The following ZNF605 variants were observed in gnomAD, a reference collection of about 807,000 sequenced individuals.
The protein encoded by ZNF605 is zinc finger protein 605.
Under a neutral mutation model 7.9 loss-of-function variants are expected in ZNF605, and 9 were observed. The ratio of observed to expected loss-of-function variants is 1.14; its 90% CI spans 0.68 to 1.98. The LOEUF is 1.98. Ranked by LOEUF, ZNF605 falls within the 30% of genes most tolerant of loss-of-function variation. The pLI, the probability that ZNF605 is intolerant of heterozygous loss-of-function variation, is 0.00. For synonymous variants in ZNF605, 255 were observed against 260.1 expected, an observed-to-expected ratio of 0.98 and a Z score of 0.19; for missense variants, 673 against 762.4, an observed-to-expected ratio of 0.88 and a Z score of 1.38.
At chr12:132,953,261 T>C (rs2137169404) in intron 1 of ZNF605, among the ~76,000 whole-genome samples, 1 of 152,078 alleles carries the variant, frequency 6.6e-6, no homozygotes, top group Non-Finnish European at 1.5e-5. Flanking sequence ...AGGCCGCCCC[T>C]CCAGGGCCTT....
At chr12:132,950,879 A>G (rs1952553730) in intron 1 of ZNF605, among the ~76,000 whole-genome samples, 1 of 151,362 alleles carries the variant, frequency 6.6e-6, no homozygotes, top group Non-Finnish European at 1.5e-5. Context: ...ATACAAATAC[A>G]TCACACATAC....
chr12:132,936,519 G>T (rs952811591), intron 3 of ZNF605, among the ~76,000 whole-genome samples: 1 of 152,180 alleles, frequency 6.6e-6, no homozygotes, highest in Non-Finnish European at 1.5e-5. Context: ...AGGCAGGATG[G>T]CATTTGTGAA....
Position 132,926,519 on chromosome 12 carries a change from T to A in ZNF605, c.780A>T (p.Lys260Asn). The A allele has an allele frequency of 6.2e-7, 1 of 1,614,212 alleles. No homozygotes were observed. The highest frequency in any genetic ancestry group is 1.1e-5 in the South Asian group (1 of 91,084). The change falls in exon 5 of 5, where the codon AAA becomes AAT. Residue 260 changes from lysine to asparagine, a missense_variant. Lys to Asn is a moderately conservative substitution (Grantham distance 94). Coordinates refer to ENST00000360187, the MANE Select transcript of ZNF605 (RefSeq NM_183238.4). The part of the protein sequence containing the change: ...EKPYGCSECG[K>N]AFSRKSQLKR... Reference sequence around the variant, plus strand: ...TAAGCTGCGACTTCCTACTGAAGGCTTTTCCACATTCACTGCATCCATACG... The same window carrying A: ...TAAGCTGCGACTTCCTACTGAAGGCATTTCCACATTCACTGCATCCATACG...
chr12:132,931,076 G>A (rs1460376069), intron 4 of ZNF605, among the ~76,000 whole-genome samples: 1 of 152,138 alleles, frequency 6.6e-6, no homozygotes, highest in African/African-American at 2.4e-5. Context: ...CTACTGGGGA[G>A]GCTAAAGTGG....
chr12:132,920,146 ATT>A lies in ZNF605; in HGVS notation c.*5225_*5226del, dbSNP rs747437681. ...AGCCACCGCGCCCAGCGCCTGATTT[ATT>A]TATTTTTTTGAGACAGAGCCTCGCT... On this transcript the variant is annotated 3_prime_UTR_variant, in exon 5 of 5. Coordinates refer to ENST00000360187, the MANE Select transcript of ZNF605 (RefSeq NM_183238.4). 9.0e-6 allele frequency: 1 copy of A among 111,414 alleles called. No homozygotes were observed. The highest frequency in any genetic ancestry group is 3.5e-5 in the African/African-American group (1 of 28,490). 6.9% of individuals were successfully genotyped at this position (111,414 alleles called of 1,614,324 possible).
At chr12:132,940,677 GC>G (rs1952427019) in intron 3 of ZNF605, among the ~76,000 whole-genome samples, 1 of 152,182 alleles carries the variant, frequency 6.6e-6, no homozygotes, top group Non-Finnish European at 1.5e-5. Flanking sequence ...ATTGGATCAG[GC>G]CGCCGGCCAG....
At chr12:132,952,217 G>C (rs2137167784) in intron 1 of ZNF605, among the ~76,000 whole-genome samples, 1 of 152,084 alleles carries the variant, frequency 6.6e-6, no homozygotes, top group Non-Finnish European at 1.5e-5. Context: ...AGCACTTTGG[G>C]AGGCTGAGGC....
At position 132,925,683 on chromosome 12, in the gene ZNF605, C is replaced by T; in HGVS notation, c.1616G>A (p.Gly539Glu). 3 of 1,614,168 alleles carry T rather than the reference C, an allele frequency of 1.9e-6. No individual in the cohort carries two copies. Among genetic ancestry groups the T allele is most frequent in the Non-Finnish European group, 2.5e-6 (3 of 1,180,024 alleles). Residue 539 changes from glycine (G) to glutamate (E), a missense_variant, in exon 5 of 5, where the codon GGG becomes GAG. Physicochemically the swap from Gly to Glu is moderately conservative, Grantham distance 98. Coordinates refer to ENST00000360187, the MANE Select transcript of ZNF605 (RefSeq NM_183238.4). ...CTGCACTTTCTGAACAAATGCTTTC[C>T]CACATTCACTGCATTCATAGGGTTT... ...GEKPYECSEC[G>E]KAFVQKVQLI...
At chr12:132,928,204 G>T (rs1364327110) in intron 4 of ZNF605, among the ~76,000 whole-genome samples, 1 of 151,980 alleles carries the variant, frequency 6.6e-6, no homozygotes, top group Non-Finnish European at 1.5e-5. Flanking sequence ...ATTGTTGAAT[G>T]GTATAATAGA....
intron 1 of ZNF605, among the ~76,000 whole-genome samples, chr12:132,953,729 C>T (rs988925424): frequency 1.2e-4 from 18 of 151,926 alleles, no homozygotes; most frequent in Non-Finnish European, 2.4e-4. Context: ...CCAGCTAAGG[C>T]CACTAACTTC....
In ZNF605 at chr12:132,925,622, T is replaced by C. The variant is rs762872324; in HGVS notation, c.1677A>G (p.Lys559=). 6.2e-7 allele frequency: 1 copy of C among 1,614,160 alleles called. No homozygotes were observed. The highest frequency in any genetic ancestry group is 1.7e-5 in the Admixed American group (1 of 60,026). The change falls in exon 5 of 5, where the codon AAA becomes AAG. Residue 559 remains lysine (K), a synonymous_variant. Coordinates refer to ENST00000360187, the MANE Select transcript of ZNF605 (RefSeq NM_183238.4). The stretch of plus-strand genomic sequence containing the variant: ...TTGCACAATCGCTGCATCCATAGGT[T>C]TTCTCTCCTGTGTGATTTCTTTGAT... ...IKHQRNHTGE[K]TYGCSDCAKA...
intron 4 of ZNF605, among the ~76,000 whole-genome samples, chr12:132,929,124 C>T (rs1482262314): frequency 6.6e-6 from 1 of 151,958 alleles, no homozygotes; most frequent in Non-Finnish European, 1.5e-5. Context: ...TCAGATGAAG[C>T]AGGCTGGCTG....
intron 1 of ZNF605, among the ~76,000 whole-genome samples, chr12:132,949,705 T>A (rs1318102459): frequency 6.6e-6 from 1 of 152,160 alleles, no homozygotes; most frequent in African/African-American, 2.4e-5. Flanking sequence ...CAGGTCCCAG[T>A]GTCAACAGGG....
chr12:132,940,915 CCT>C (rs1952430015), intron 3 of ZNF605, among the ~76,000 whole-genome samples: 2 of 152,046 alleles, frequency 1.3e-5, no homozygotes, highest in African/African-American at 4.8e-5. Flanking sequence ...TTTGAGGTCC[CCT>C]GTGTCTACTG....
intron 4 of ZNF605, 102 bp downstream of exon 4, chr12:132,932,933 A>G (rs1952322152): frequency 6.9e-7 from 1 of 1,439,096 alleles, no homozygotes; most frequent in African/African-American, 1.4e-5. Context: ...TTCAGTATAA[A>G]AGTCAAATAA....
intron 3 of ZNF605, among the ~76,000 whole-genome samples, chr12:132,935,062 G>A (rs1386478384): frequency 4.6e-5 from 7 of 152,240 alleles, no homozygotes; most frequent in South Asian, 2.1e-4. Flanking sequence ...GAGTGGGAGC[G>A]GTGGGAATGG....
At chr12:132,948,513 G>A (rs1295917422) in intron 1 of ZNF605, 1 of 152,284 alleles carries the variant, frequency 6.6e-6, no homozygotes, top group African/African-American at 2.4e-5. Flanking sequence ...CGGCTAGCCA[G>A]GAAGATAACA....
Position 132,941,590 on chromosome 12 carries a change from A to G in ZNF605, c.15+4031T>C, listed in dbSNP as rs1303936272. Among the ~76,000 whole-genome samples, 6 of 152,236 alleles carry G rather than the reference A, an allele frequency of 3.9e-5. No homozygotes were observed. The highest frequency in any genetic ancestry group is 1.4e-4 in the African/African-American group (6 of 41,466). On this transcript the variant is annotated intron_variant, in intron 3 of 4. Transcript: ENST00000360187. The surrounding 1 kb of genome is among the most constrained non-coding windows in gnomAD (Gnocchi z 5.1). ...CTGAGGAACCGTATCGCTCACGAGCAACAGGGTAACTGACTGTTGTAACGG... is the reference window on the plus strand; with the variant it reads ...CTGAGGAACCGTATCGCTCACGAGCGACAGGGTAACTGACTGTTGTAACGG...
chr12:132,955,493 C>CT (rs1952627031), intron 1 of ZNF605, among the ~76,000 whole-genome samples: 1 of 152,218 alleles, frequency 6.6e-6, no homozygotes, highest in Non-Finnish European at 1.5e-5. Flanking sequence ...CGTGGCAGGT[C>CT]TGTGTGAACA....
Sources: gnomAD v4.1 joint callset for allele counts (sites outside exome capture counted in the v4.1 genomes callset) on GRCh38, gnomAD v4.1.1 for gene constraint, Gnocchi (gnomAD v3.1) non-coding constraint, MANE v1.5 for transcripts, NCBI Gene and HGNC (gene_info 2026-07-23, HGNC 2026-07-21) for gene names.